The following DNAJC7 variants were observed in gnomAD, a reference collection of about 807,000 sequenced individuals.
DNAJC7 encodes DnaJ heat shock protein family (Hsp40) member C7, also known as dnaJ homolog subfamily C member 7.
Under a neutral mutation model 67.4 loss-of-function variants are expected in DNAJC7, and 18 were observed. The observed-to-expected ratio is 0.27, with a 90% CI of 0.18 to 0.40. DNAJC7 has a LOEUF of 0.40. Among genes scored for constraint, DNAJC7 ranks in the 10% least tolerant of loss-of-function variants. The pLI is 1.00. For missense variants in DNAJC7, 419 were observed against 613.8 expected, an observed-to-expected ratio of 0.68 and a Z score of 3.35; for synonymous variants, 220 against 207.8, an observed-to-expected ratio of 1.06 and a Z score of -0.50.
intron 9 of DNAJC7, 74 bp from the exon 10 acceptor site, chr17:41,983,710 G>T: frequency 7.4e-7 from 1 of 1,347,028 alleles, no homozygotes; most frequent in Non-Finnish European, 1.0e-6. Flanking sequence ...TCTAGGGCAA[G>T]AGGCATGGCT....
At position 41,990,254 on chromosome 17, in the gene DNAJC7, G is replaced by A. The variant is rs1257745094; in HGVS notation, c.599+10C>T. On this transcript the variant is annotated intron_variant, in intron 6 of 13. Transcript: ENST00000457167. Reference sequence around the variant, plus strand: ...TGGCATTTTAATGTCCAGCTAGCCTGACTGCATACCTAGCCACAGACTGTG... The same window carrying A: ...TGGCATTTTAATGTCCAGCTAGCCTAACTGCATACCTAGCCACAGACTGTG... 3 of 1,597,470 alleles carry A rather than the reference G, an allele frequency of 1.9e-6. No homozygotes were observed. The highest frequency in any genetic ancestry group is 2.6e-6 in the Non-Finnish European group (3 of 1,170,610).
At chr17:41,993,074 C>G (rs1361187612) in intron 5 of DNAJC7, among the ~76,000 whole-genome samples, 1 of 152,178 alleles carries the variant, frequency 6.6e-6, no homozygotes, top group African/African-American at 2.4e-5. Context: ...TAAGTTACTG[C>G]CGGGACTCTG....
intron 12 of DNAJC7, chr17:41,981,520 G>A (rs1289473100): frequency 4.7e-6 from 1 of 212,382 alleles, no homozygotes; most frequent in East Asian, 1.2e-4. Context: ...AGTAGAGACA[G>A]GGTTTCACCA....
intron 8 of DNAJC7, 39 bp downstream of exon 8, chr17:41,988,693 A>G (rs782794009): frequency 1.9e-6 from 3 of 1,547,312 alleles, no homozygotes; most frequent in South Asian, 1.3e-5. Context: ...TCCCTTAAAA[A>G]TATTTCTATA....
At position 41,976,691 on chromosome 17, in the gene DNAJC7, G is replaced by T; in HGVS notation, c.*42C>A. ...CTGTTTCCACATTCAAGATTAAACT[G>T]AGTGAATCTGCATTTTCTGGGTTCT... On this transcript the variant is annotated 3_prime_UTR_variant, in exon 14 of 14. Coordinates refer to ENST00000457167, the MANE Select transcript of DNAJC7 (RefSeq NM_003315.4). 1 of 1,604,136 alleles carries T rather than the reference G, an allele frequency of 6.2e-7. No individual in the cohort carries two copies.
intron 3 of DNAJC7, among the ~76,000 whole-genome samples, chr17:41,996,684 G>C (rs1432414134): frequency 1.3e-5 from 2 of 152,206 alleles, no homozygotes; most frequent in Non-Finnish European, 2.9e-5. Flanking sequence ...GCATATGCCT[G>C]TGGTCCCAGC....
intron 1 of DNAJC7, among the ~76,000 whole-genome samples, chr17:42,006,650 A>G (rs1455516585): frequency 2.0e-5 from 3 of 150,778 alleles, no homozygotes; most frequent in Non-Finnish European, 4.4e-5. Flanking sequence ...TACAAAAATT[A>G]GCCGGGCGTG....
chr17:41,977,600 C>CACGAGG (rs2051125540), intron 12 of DNAJC7: 1 of 319,782 alleles, frequency 3.1e-6, no homozygotes, highest in African/African-American at 2.1e-5. Flanking sequence ...GGGCTGTTTT[C>CACGAGG]TCAACAAATG....
chr17:42,003,639 G>A (rs1288046181), intron 1 of DNAJC7: 1 of 151,984 alleles, frequency 6.6e-6, no homozygotes, highest in African/African-American at 2.4e-5. Context: ...TCACTGCCAG[G>A]GTCAATTCAT....
intron 1 of DNAJC7, chr17:42,013,095 C>T (rs1555651287): frequency 6.6e-6 from 1 of 152,238 alleles, no homozygotes; most frequent in Non-Finnish European, 1.5e-5. Flanking sequence ...GCGTGAGCCA[C>T]CGCACCCAGC....
intron 9 of DNAJC7, among the ~76,000 whole-genome samples, chr17:41,983,888 A>G (rs1555646378): frequency 1.3e-5 from 2 of 152,270 alleles, no homozygotes; most frequent in East Asian, 1.9e-4. Flanking sequence ...AAAGTAATCA[A>G]GAGGAAAAAG....
chr17:42,010,329 A>AAT (rs1398616307), intron 1 of DNAJC7, among the ~76,000 whole-genome samples: 13 of 151,280 alleles, frequency 8.6e-5, no homozygotes, highest in Non-Finnish European at 1.5e-5. Flanking sequence ...ACAAAAAAAA[A>AAT]AAAAAATACA....
intron 1 of DNAJC7, among the ~76,000 whole-genome samples, chr17:42,012,512 A>G (rs782403164): frequency 1.3e-5 from 2 of 152,170 alleles, no homozygotes; most frequent in Non-Finnish European, 2.9e-5. Context: ...AAATCCCTCA[A>G]GTTTACCATA....
At chr17:41,980,369 G>A (rs2051217523) in intron 12 of DNAJC7, among the ~76,000 whole-genome samples, 1 of 150,712 alleles carries the variant, frequency 6.6e-6, no homozygotes, top group Non-Finnish European at 1.5e-5. Context: ...AGACAACTTA[G>A]AGTGAAGACT....
At chr17:42,005,235 C>A (rs782227893) in intron 1 of DNAJC7, among the ~76,000 whole-genome samples, 2 of 152,316 alleles carry the variant, frequency 1.3e-5, no homozygotes, top group Non-Finnish European at 2.9e-5. Context: ...GGCTCAGCAT[C>A]ATGTGATTAA....
intron 2 of DNAJC7, among the ~76,000 whole-genome samples, chr17:41,999,410 C>G (rs1341868959): frequency 6.6e-6 from 1 of 152,180 alleles, no homozygotes; most frequent in African/African-American, 2.4e-5. Context: ...GCATGAGTCA[C>G]CACGCCTGGC....
At chr17:41,993,415 C>T (rs999105630) in intron 5 of DNAJC7, among the ~76,000 whole-genome samples, 9 of 152,060 alleles carry the variant, frequency 5.9e-5, no homozygotes, top group Admixed American at 3.9e-4. Flanking sequence ...GCCGAGATCC[C>T]GCCACTGCAC....
chr17:41,977,332 C>T lies in DNAJC7; in HGVS notation c.1385-9G>A, dbSNP rs2051114660. On this transcript the variant is annotated splice_polypyrimidine_tract_variant and intron_variant, in intron 12 of 13. Coordinates refer to ENST00000457167, the MANE Select transcript of DNAJC7 (RefSeq NM_003315.4). ...ATTGTTTGGATCAAAATCTGTAGAG[C>T]AGGGCAAGTAACATGGAAGGGAAGA... 1 of 1,574,938 alleles carries T rather than the reference C, an allele frequency of 6.3e-7. No homozygotes were observed. Among genetic ancestry groups the T allele is most frequent in the Non-Finnish European group, 8.6e-7 (1 of 1,159,964 alleles).
intron 1 of DNAJC7, chr17:42,016,902 G>A (rs2052313710): frequency 9.4e-7 from 1 of 1,063,144 alleles, no homozygotes; most frequent in African/African-American, 1.7e-5. Context: ...TAATTACAAG[G>A]GAAAACGGGG....
Sources: allele counts gnomAD v4.1 joint callset (sites outside exome capture counted in the v4.1 genomes callset), GRCh38; gene constraint gnomAD v4.1.1; transcripts MANE v1.5; gene names NCBI Gene and HGNC (gene_info 2026-07-23, HGNC 2026-07-21).